The following GDI2 variants were observed in gnomAD, a reference collection of about 807,000 sequenced individuals.
The protein encoded by GDI2 is GDP dissociation inhibitor 2.
Under a neutral mutation model 54.2 loss-of-function variants are expected in GDI2, and 22 were observed. The observed-to-expected ratio is 0.41, with a 90% CI of 0.29 to 0.58. The LOEUF (loss-of-function observed/expected upper bound fraction) is 0.58, where lower values mean the gene tolerates loss of function less well. GDI2 is among the 20% of genes least tolerant of loss of function. GDI2 has a pLI of 0.35. For missense variants in GDI2, 422 were observed against 546.0 expected (o/e 0.77, Z 2.26); for synonymous variants, 177 against 182.1 (o/e 0.97, Z 0.23).
intron 4 of GDI2, among the ~76,000 whole-genome samples, chr10:5,791,082 G>A (rs938786750): frequency 6.8e-4 from 103 of 152,158 alleles, no homozygotes; most frequent in African/African-American, 2.2e-3. Flanking sequence ...GCTTGAGTCC[G>A]GGAGTTCAAG....
At position 5,768,367 on chromosome 10, in the gene GDI2, C is replaced by A; in HGVS notation, c.837G>T (p.Gln279His). The change falls in exon 8 of 11, where the codon CAG (glutamine) becomes CAT (histidine). Residue 279 changes from glutamine to histidine, a missense_variant. Coordinates refer to ENST00000380191, the MANE Select transcript of GDI2 (RefSeq NM_001494.4). The surrounding 1 kb of genome is among the most constrained non-coding windows in gnomAD (Gnocchi z 4.4). ...TTACGTAGCTGGGGTCACAGATGAG[C>A]TGCTTACAGCGAGCAATCTATAACA... ...KSEGEIARCK[Q>H]LICDPSYVKD... The A allele has an allele frequency of 6.2e-7, 1 of 1,612,272 alleles. No homozygotes were observed. Among genetic ancestry groups the A allele is most frequent in the Non-Finnish European group, 8.5e-7 (1 of 1,178,244 alleles).
chr10:5,785,509 G>T (rs1485346906), intron 5 of GDI2, among the ~76,000 whole-genome samples: 1 of 152,096 alleles, frequency 6.6e-6, no homozygotes, highest in African/African-American at 2.4e-5. Flanking sequence ...CAAGTGGCTG[G>T]AATTACAGGG....
intron 2 of GDI2, among the ~76,000 whole-genome samples, chr10:5,797,111 G>C (rs950960366): frequency 2.6e-5 from 4 of 152,144 alleles, no homozygotes; most frequent in African/African-American, 9.7e-5. Flanking sequence ...TAGCAGAAAA[G>C]AAAGAATATA....
chr10:5,766,342 C>G lies in GDI2; in HGVS notation c.1137-47G>C. The G allele has an allele frequency of 6.5e-7, 1 of 1,540,978 alleles. No individual in the cohort carries two copies. The highest frequency in any genetic ancestry group is 9.0e-7 in the Non-Finnish European group (1 of 1,113,348). ...TCAGGTGAGCTGGTCCCACACCTGA[C>G]CATGGCTCTGCCTGAGGTCAACTGA... On this transcript the variant is annotated intron_variant, in intron 9 of 10. Transcript: ENST00000380191. The surrounding 1 kb of genome is among the most constrained non-coding windows in gnomAD (Gnocchi z 5.8).
intron 6 of GDI2, 118 bp downstream of exon 6, chr10:5,785,024 A>T (rs1035774841): frequency 4.8e-6 from 3 of 619,816 alleles, no homozygotes; most frequent in Non-Finnish European, 5.1e-6. Flanking sequence ...CAATAAAAAT[A>T]AAAAGCATCT....
intron 6 of GDI2, among the ~76,000 whole-genome samples, chr10:5,775,493 T>C (rs559943984): frequency 3.7e-4 from 56 of 152,286 alleles, no homozygotes; most frequent in Non-Finnish European, 5.4e-4. Context: ...TGCAGTCCTA[T>C]TGATTTGAGA....
chr10:5,813,368 AAG>A lies in GDI2; in HGVS notation c.-112_-111del, dbSNP rs748468720. The A allele has an allele frequency of 3.2e-5, 24 of 743,964 alleles. No homozygotes were observed. Among genetic ancestry groups the A allele is most frequent in the Non-Finnish European group, 4.6e-5 (21 of 456,590 alleles). The allele number at this position is 743,964 out of a possible 1,614,324, so 46.1% of individuals were successfully genotyped here. A position where few individuals can be genotyped will look rare whatever the true frequency, so the allele number is the denominator to read the frequency against. On this transcript the variant is annotated 5_prime_UTR_variant, in exon 1 of 11. Transcript: ENST00000380191. Reference sequence around the variant, plus strand: ...TGGGCGCGAAGGAAAGGGGAAGAGAAAGAGAGGAAAATGGAGCTGGCGACAAG... The same window carrying A: ...TGGGCGCGAAGGAAAGGGGAAGAGAAAGAGGAAAATGGAGCTGGCGACAAG...
intron 2 of GDI2, among the ~76,000 whole-genome samples, chr10:5,797,640 GGGAGGTGGAGAATCACATGA>G (rs1432642136): frequency 1.1e-3 from 2 of 1,814 alleles, no homozygotes; most frequent in Non-Finnish European, 4.7e-3. Context: ...ACATGAATCT[GGGAGGTGGAGAATCACATGA>G]ATCTGGGAGG....
chr10:5,807,862 CTGAA>C (rs1447650338), intron 1 of GDI2, among the ~76,000 whole-genome samples: 3 of 152,146 alleles, frequency 2.0e-5, no homozygotes, highest in Non-Finnish European at 2.9e-5. Flanking sequence ...CCTGAAGAGG[CTGAA>C]TGAAATTTCT....
chr10:5,790,055 G>A (rs1259894928), intron 4 of GDI2, among the ~76,000 whole-genome samples: 3 of 152,314 alleles, frequency 2.0e-5, no homozygotes, highest in East Asian at 1.9e-4. Flanking sequence ...TAAACACTGA[G>A]TAAAACGTAG....
At chr10:5,804,427 C>T (rs1428751593) in intron 1 of GDI2, among the ~76,000 whole-genome samples, 2 of 152,216 alleles carry the variant, frequency 1.3e-5, no homozygotes, top group Admixed American at 6.5e-5. Context: ...AGAAACAAAA[C>T]ATTCTGAGCA....
chr10:5,772,188 T>C (rs555460461), intron 7 of GDI2, among the ~76,000 whole-genome samples: 7 of 152,180 alleles, frequency 4.6e-5, no homozygotes, highest in South Asian at 2.1e-4. Context: ...GATGTGGAGA[T>C]GGAAGACAGT....
chr10:5,803,790 A>AG, intron 1 of GDI2, among the ~76,000 whole-genome samples: 1 of 152,364 alleles, frequency 6.6e-6, no homozygotes, highest in Non-Finnish European at 1.5e-5. Flanking sequence ...AGAAACACAG[A>AG]GATGGGGCAT....
intron 1 of GDI2, among the ~76,000 whole-genome samples, chr10:5,802,152 G>C (rs187239525): frequency 6.6e-6 from 1 of 152,070 alleles, no homozygotes; most frequent in Non-Finnish European, 1.5e-5. Flanking sequence ...TGAACTAGCC[G>C]CTTTTTTTTA....
rs762229840 is a variant in GDI2, at chr10:5,766,322, T to C, written c.1137-27A>G. ...TGGAGGGAGAGAGAATTCAGTCAGG[T>C]GAGCTGGTCCCACACCTGACCATGG... is the stretch of plus-strand genomic sequence containing the variant. On this transcript the variant is annotated intron_variant, in intron 9 of 10. Transcript: ENST00000380191. The surrounding 1 kb of genome is among the most constrained non-coding windows in gnomAD (Gnocchi z 5.8). The C allele has an allele frequency of 4.4e-6, 7 of 1,592,408 alleles. No homozygotes were observed. The highest frequency in any genetic ancestry group is 1.7e-5 in the Admixed American group (1 of 59,976).
chr10:5,768,072 G>A lies in GDI2; in HGVS notation c.991+141C>T. ...ACACAATGCTGCCGGAGCAGGAGGA[G>A]GTACAAAGATTTTTTTCCCCCATAT... is the stretch of plus-strand genomic sequence containing the variant. On this transcript the variant is annotated intron_variant, in intron 8 of 10. Coordinates refer to ENST00000380191, the MANE Select transcript of GDI2 (RefSeq NM_001494.4). This position sits in a 1 kb window ranked among gnomAD's most constrained non-coding sequence, Gnocchi z 4.4. The A allele has an allele frequency of 1.6e-6, 1 of 634,288 alleles. No homozygotes were observed. The highest frequency in any genetic ancestry group is 3.0e-5 in the Admixed American group (1 of 33,406). The allele number at this position is 634,288 out of a possible 1,614,324, so 39.3% of individuals were successfully genotyped here.
In GDI2 at chr10:5,767,191, G is replaced by A. The variant is rs1178579774; in HGVS notation, c.992-553C>T. Among the ~76,000 whole-genome samples, 15 of 146,668 alleles carry A rather than the reference G, an allele frequency of 1.0e-4. No homozygotes were observed. In the East Asian group the frequency reaches 2.4e-3, roughly 23 times the overall value. On this transcript the variant is annotated intron_variant, in intron 8 of 10. Coordinates refer to ENST00000380191, the MANE Select transcript of GDI2 (RefSeq NM_001494.4). ...CATTTGGATAGGAGAGCATTTAAAG[G>A]CCAAAAAAAAAAAACTCTGGGACCT...
chr10:5,769,578 A>G (rs545279586), intron 7 of GDI2, among the ~76,000 whole-genome samples: 147 of 152,222 alleles, frequency 9.7e-4, no homozygotes, highest in Non-Finnish European at 1.4e-3. Flanking sequence ...TCAAAAGAAA[A>G]AAAAAAAAAA....
At chr10:5,772,528 G>A (rs552874945) in intron 7 of GDI2, among the ~76,000 whole-genome samples, 87 of 152,236 alleles carry the variant, frequency 5.7e-4, no homozygotes, top group African/African-American at 2.0e-3. Context: ...AGGCTGAGGC[G>A]GGCGGATCAC....
Sources: gnomAD v4.1 joint callset for allele counts (sites outside exome capture counted in the v4.1 genomes callset) on GRCh38, gnomAD v4.1.1 for gene constraint, Gnocchi (gnomAD v3.1) non-coding constraint, MANE v1.5 for transcripts, NCBI Gene and HGNC (gene_info 2026-07-23, HGNC 2026-07-21) for gene names.